EGLN3: variants seen among roughly 807,000 people sequenced by gnomAD.
The protein encoded by EGLN3 is prolyl hydroxylase EGLN3.
A neutral mutation model predicts 26.0 loss-of-function variants in EGLN3; 15 were observed. That is an observed-to-expected ratio of 0.58 (90% CI 0.39 to 0.89). The LOEUF is 0.89. Ranked by LOEUF, EGLN3 falls within the 40% of genes least tolerant of loss-of-function variation. The probability of loss-of-function intolerance (pLI) is 0.00; values close to 1 mark genes in which losing one functional copy is unlikely to be tolerated. For missense variants in EGLN3, 238 were observed against 311.6 expected (o/e 0.76, Z 1.78); for synonymous variants, 147 against 127.2 (o/e 1.16, Z -1.05).
At chr14:33,932,801 C>A (rs1485441047) in intron 1 of EGLN3, among the ~76,000 whole-genome samples, 1 of 152,106 alleles carries the variant, frequency 6.6e-6, no homozygotes, top group African/African-American at 2.4e-5. Flanking sequence ...TACCACTAAG[C>A]AAAGCATGGC....
chr14:33,925,966 G>A (rs774557383), intron 4 of EGLN3, 44 bp from the exon 5 acceptor site: 1 of 1,596,068 alleles, frequency 6.3e-7, no homozygotes, highest in Non-Finnish European at 8.6e-7. Flanking sequence ...TATGGAGTCA[G>A]CTCTGATGAG....
intron 2 of EGLN3, among the ~76,000 whole-genome samples, chr14:33,930,428 A>C (rs1310276166): frequency 2.0e-5 from 3 of 152,238 alleles, no homozygotes; most frequent in Admixed American, 1.3e-4. Context: ...GAAGGTTCAA[A>C]AGCCAAATAA....
intron 1 of EGLN3, among the ~76,000 whole-genome samples, chr14:33,933,844 CGG>C (rs1281182821): frequency 6.6e-6 from 1 of 151,956 alleles, no homozygotes; most frequent in Non-Finnish European, 1.5e-5. Context: ...CTCATCAAGC[CGG>C]GGAAGGGATT....
rs776873402 is a variant in EGLN3, at chr14:33,950,582, C to T, written c.171G>A (p.Arg57=). The T allele has an allele frequency of 2.4e-5, 38 of 1,612,198 alleles. No individual in the cohort carries two copies. The highest frequency in any genetic ancestry group is 2.2e-5 in the Non-Finnish European group (26 of 1,179,162). Residue 57 remains arginine, a synonymous_variant, in exon 1 of 5, where the codon CGG becomes CGA. Transcript: ENST00000250457. ...CGCGCGGCCCCGCCAGCTGGCCGTC[C>T]CGCAGGGCCCCGGTGCAGTGCAGCT... ...VKQLHCTGAL[R]DGQLAGPRAG...
intron 1 of EGLN3, among the ~76,000 whole-genome samples, chr14:33,937,734 A>G (rs1016544056): frequency 3.3e-5 from 5 of 152,184 alleles, no homozygotes. Flanking sequence ...CGCAGAACCT[A>G]CTTACCCAGA....
intron 1 of EGLN3, among the ~76,000 whole-genome samples, chr14:33,943,913 G>T (rs1235774340): frequency 6.6e-6 from 1 of 152,156 alleles, no homozygotes; most frequent in Admixed American, 6.5e-5. Flanking sequence ...AAGCAGAAAG[G>T]TTAGAAAGGG....
At chr14:33,927,606 C>T (rs112929309) in intron 3 of EGLN3, among the ~76,000 whole-genome samples, 9 of 152,264 alleles carry the variant, frequency 5.9e-5, no homozygotes, top group South Asian at 2.1e-4. Flanking sequence ...TCTTCCTCTG[C>T]GATCTCAGGC....
intron 1 of EGLN3, among the ~76,000 whole-genome samples, chr14:33,936,191 C>T (rs1566599019): frequency 6.6e-6 from 1 of 150,978 alleles, no homozygotes; most frequent in African/African-American, 2.4e-5. Flanking sequence ...GATCGCACCA[C>T]TGCACTCCAG....
intron 3 of EGLN3, among the ~76,000 whole-genome samples, chr14:33,928,801 G>A (rs1388262652): frequency 1.3e-5 from 2 of 152,088 alleles, no homozygotes; most frequent in Non-Finnish European, 2.9e-5. Context: ...AGGGAGGAAA[G>A]GAGAGAAGAG....
At chr14:33,929,252 A>G in intron 2 of EGLN3, 40 bp from the exon 3 acceptor site, 5 of 1,607,808 alleles carry the variant, frequency 3.1e-6, no homozygotes, top group Non-Finnish European at 4.2e-6. Context: ...CTTACCTCTC[A>G]TGTAGTTTAT....
At chr14:33,931,817 T>C (rs2064406394) in intron 1 of EGLN3, among the ~76,000 whole-genome samples, 1 of 152,170 alleles carries the variant, frequency 6.6e-6, no homozygotes, top group Non-Finnish European at 1.5e-5. Flanking sequence ...ACAGGGAGAT[T>C]CCTTTCAGGA....
intron 1 of EGLN3, among the ~76,000 whole-genome samples, chr14:33,941,222 C>G (rs987964863): frequency 2.0e-5 from 3 of 152,112 alleles, no homozygotes; most frequent in Non-Finnish European, 4.4e-5. Flanking sequence ...AAACAAGTAT[C>G]TAACTCATCC....
Position 33,950,815 on chromosome 14 carries a change from GA to G in EGLN3, c.-64del, listed in dbSNP as rs2064556004. 1.4e-6 allele frequency: 2 copies of G among 1,447,628 alleles called. No individual in the cohort carries two copies. Among genetic ancestry groups the G allele is most frequent in the Non-Finnish European group, 1.9e-6 (2 of 1,061,028 alleles). The allele number at this position is 1,447,628 out of a possible 1,614,324, so 89.7% of individuals were successfully genotyped here. Reference sequence around the variant, plus strand: ...CAACCAGAGAGGGAACGATCTACACGAGCGCGAAGCCGAGGCGCGGGGAGCG... The same window carrying G: ...CAACCAGAGAGGGAACGATCTACACGGCGCGAAGCCGAGGCGCGGGGAGCG... On this transcript the variant is annotated 5_prime_UTR_variant, in exon 1 of 5. Transcript: ENST00000250457.
chr14:33,950,464 G>C lies in EGLN3; in HGVS notation c.289C>G (p.Leu97Val). ...CAGTAGAGGACCAGCCTGTCGATGA[G>C]GGACAGGAGGAAGCTGATGGCCTCG... ...GCEAISFLLS[L>V]IDRLVLYCGS... The change falls in exon 1 of 5, where the codon CTC becomes GTC. Residue 97 changes from leucine (L) to valine (V), a missense_variant. Leu to Val is a conservative substitution (Grantham distance 32). Coordinates refer to ENST00000250457, the MANE Select transcript of EGLN3 (RefSeq NM_022073.4). 4 of 1,613,702 alleles carry C rather than the reference G, an allele frequency of 2.5e-6. No homozygotes were observed. The highest frequency in any genetic ancestry group is 1.6e-4 in the Middle Eastern group (1 of 6,062).
intron 2 of EGLN3, 84 bp downstream of exon 2, chr14:33,931,012 T>C: frequency 1.9e-6 from 3 of 1,556,338 alleles, no homozygotes; most frequent in Non-Finnish European, 2.6e-6. Flanking sequence ...AACTATGAAC[T>C]CAATATAAAC....
At chr14:33,950,134 GC>G in intron 1 of EGLN3, 1 of 594,344 alleles carries the variant, frequency 1.7e-6, no homozygotes, top group South Asian at 2.1e-5. Flanking sequence ...AGCTTGTCTG[GC>G]TTTTGTCACC....
intron 2 of EGLN3, among the ~76,000 whole-genome samples, chr14:33,930,265 T>G (rs2064392961): frequency 6.6e-6 from 1 of 152,244 alleles, no homozygotes; most frequent in African/African-American, 2.4e-5. Context: ...GGAGACTTAA[T>G]GGATGTATTC....
intron 3 of EGLN3, 119 bp from the exon 4 acceptor site, chr14:33,927,152 G>GATTGATTT (rs145933066): frequency 9.3e-5 from 17 of 182,840 alleles, no homozygotes; most frequent in South Asian, 9.3e-4. Context: ...AGTCTACCCT[G>GATTGATTT]ATTTATTTAT....
chr14:33,927,213 T>C (rs1487477022), intron 3 of EGLN3, among the ~76,000 whole-genome samples, 180 bp from the exon 4 acceptor site: 1 of 150,248 alleles, frequency 6.7e-6, no homozygotes, highest in African/African-American at 2.4e-5. Context: ...AGTCTTGCTC[T>C]GTTGCCAGGC....
Sources: allele counts gnomAD v4.1 joint callset (sites outside exome capture counted in the v4.1 genomes callset), GRCh38; gene constraint gnomAD v4.1.1; transcripts MANE v1.5; gene names NCBI Gene and HGNC (gene_info 2026-07-23, HGNC 2026-07-21).